CDH4: variants seen among roughly 807,000 people sequenced by gnomAD.
CDH4 encodes the protein cadherin-4.
A neutral mutation model predicts 86.0 loss-of-function variants in CDH4; 33 were observed. The observed-to-expected ratio is 0.38, with a 90% CI of 0.29 to 0.51. CDH4 has a LOEUF of 0.51. Among genes scored for constraint, CDH4 ranks in the 20% least tolerant of loss-of-function variants. The pLI is 0.86. For missense variants in CDH4, 1,114 were observed against 1,307.4 expected, an observed-to-expected ratio of 0.85 and a Z score of 2.28; for synonymous variants, 555 against 549.4, an observed-to-expected ratio of 1.01 and a Z score of -0.14.
intron 2 of CDH4, among the ~76,000 whole-genome samples, chr20:61,381,973 G>A (rs1224314925): frequency 6.6e-6 from 1 of 152,038 alleles, no homozygotes; most frequent in Non-Finnish European, 1.5e-5. Flanking sequence ...CTACTTGGGA[G>A]GCTGAGGCAG....
intron 2 of CDH4, among the ~76,000 whole-genome samples, chr20:61,274,628 T>C (rs1221151456): frequency 1.9e-5 from 2 of 103,774 alleles, no homozygotes; most frequent in African/African-American, 3.4e-5. Context: ...TTTGGAGGAG[T>C]ACGGTGTGCA....
chr20:61,643,534 A>T (rs1006727998), intron 2 of CDH4, among the ~76,000 whole-genome samples: 4 of 152,198 alleles, frequency 2.6e-5, no homozygotes, highest in Admixed American at 6.5e-5. Context: ...TAATGCCCTG[A>T]GTGTGTCAGG....
chr20:61,910,148 T>G (rs1004674502), intron 8 of CDH4, among the ~76,000 whole-genome samples: 1 of 151,978 alleles, frequency 6.6e-6, no homozygotes, highest in Admixed American at 6.6e-5. Context: ...GCTGACACGG[T>G]GTGCTCTGTT....
intron 2 of CDH4, among the ~76,000 whole-genome samples, chr20:61,607,361 G>A (rs1003992285): frequency 2.6e-5 from 4 of 152,124 alleles, no homozygotes; most frequent in Admixed American, 1.3e-4. Flanking sequence ...AATTCAGAAA[G>A]CCTTTTTATT....
chr20:61,514,308 C>T (rs1287904633), intron 2 of CDH4, among the ~76,000 whole-genome samples: 1 of 121,618 alleles, frequency 8.2e-6, no homozygotes, highest in Non-Finnish European at 1.6e-5. Flanking sequence ...CTCAGTCCGC[C>T]CCCCCCGCCC....
In CDH4 at chr20:61,714,021, T is replaced by TTTTTATTTTATTTTATTTTA. The variant is rs373689820; in HGVS notation, c.170-29518_170-29499dup. 5.7e-3 allele frequency among the ~76,000 whole-genome samples: 775 copies of TTTTTATTTTATTTTATTTTA among 135,990 alleles called. 24 individuals are homozygous for TTTTTATTTTATTTTATTTTA. Among genetic ancestry groups the TTTTTATTTTATTTTATTTTA allele is most frequent in the African/African-American group, 0.022 (739 of 33,790 alleles). 89.2% of individuals were successfully genotyped at this position (135,990 alleles called of 152,430 possible). ...CTGTCTTAGTCCATTGTCTATTCTT[T>TTTTTATTTTATTTTATTTTA]TTTTATTTTATTTTATTTTATTTTA... On this transcript the variant is annotated intron_variant, in intron 2 of 15. Transcript: ENST00000614565.
intron 2 of CDH4, among the ~76,000 whole-genome samples, chr20:61,670,105 A>T (rs1451217747): frequency 6.6e-6 from 1 of 152,228 alleles, no homozygotes; most frequent in East Asian, 1.9e-4. Context: ...ATTGCAGGCA[A>T]TAAAACCATA....
At chr20:61,382,624 T>C (rs2084909684) in intron 2 of CDH4, among the ~76,000 whole-genome samples, 1 of 152,200 alleles carries the variant, frequency 6.6e-6, no homozygotes, top group Admixed American at 6.5e-5. Flanking sequence ...GAAATGCAGG[T>C]GCGAGCAGGG....
chr20:61,409,236 C>T (rs575859979), intron 2 of CDH4, among the ~76,000 whole-genome samples: 9 of 152,292 alleles, frequency 5.9e-5, no homozygotes, highest in Non-Finnish European at 1.0e-4. Context: ...CACGTAGTGC[C>T]AGCATCAGAG....
At chr20:61,735,495 C>G (rs532295626) in intron 2 of CDH4, among the ~76,000 whole-genome samples, 1 of 152,256 alleles carries the variant, frequency 6.6e-6, no homozygotes, top group African/African-American at 2.4e-5. Flanking sequence ...CACAGCCCAG[C>G]CCAATGCAGA....
chr20:61,936,618 C>T lies in CDH4; in HGVS notation c.2545-119C>T, dbSNP rs577277245. On this transcript the variant is annotated intron_variant, in intron 15 of 15. Coordinates refer to ENST00000614565, the MANE Select transcript of CDH4 (RefSeq NM_001794.5). The stretch of plus-strand genomic sequence containing the variant: ...AATGCAGAGAGCCCTTATTGGACAC[C>T]TACTTTATGCAACGTCCTACCTCCC... 6.9e-5 allele frequency: 49 copies of T among 706,816 alleles called. No homozygotes were observed. The South Asian group carries it at 1.2e-3, about 17-fold the overall frequency. The allele number at this position is 706,816 out of a possible 1,614,324, so 43.8% of individuals were successfully genotyped here.
At chr20:61,765,296 G>C (rs1037152254) in intron 3 of CDH4, among the ~76,000 whole-genome samples, 3 of 152,152 alleles carry the variant, frequency 2.0e-5, no homozygotes, top group African/African-American at 7.2e-5. Flanking sequence ...CATTTACCAG[G>C]CATCTGGGGC....
At chr20:61,349,950 G>A (rs1331636512) in intron 2 of CDH4, among the ~76,000 whole-genome samples, 2 of 152,156 alleles carry the variant, frequency 1.3e-5, no homozygotes, top group Non-Finnish European at 2.9e-5. Context: ...CCCAGCGCCA[G>A]GAACCCAGGA....
chr20:61,790,067 AC>A (rs1979089013), intron 4 of CDH4, among the ~76,000 whole-genome samples: 2 of 151,894 alleles, frequency 1.3e-5, no homozygotes, highest in Admixed American at 6.6e-5. Context: ...CCAACCATAC[AC>A]CCATCCATCT....
chr20:61,929,730 G>T lies in CDH4; in HGVS notation c.2127G>T (p.Lys709Asn). The T allele has an allele frequency of 6.2e-7, 1 of 1,614,188 alleles. No individual in the cohort carries two copies. Among genetic ancestry groups the T allele is most frequent in the Non-Finnish European group, 8.5e-7 (1 of 1,180,022 alleles). Residue 709 changes from lysine (K) to asparagine (N), a missense_variant, in exon 13 of 16, where the codon AAG becomes AAT. Transcript: ENST00000614565. ...CCAACACGTCCATCATCAAAGTCAA[G>T]GTGTGCCCATGTGATGACAACGGGG... is the stretch of plus-strand genomic sequence containing the variant. ...PLSNTSIIKVKVCPCDDNGDC... is the reference protein window; with the variant it reads ...PLSNTSIIKVNVCPCDDNGDC...
chr20:61,579,323 G>C (rs559443996), intron 2 of CDH4, among the ~76,000 whole-genome samples: 1 of 130,454 alleles, frequency 7.7e-6, no homozygotes, highest in South Asian at 2.4e-4. Flanking sequence ...GTCTCTCTCT[G>C]TTGCCCAGTC....
At chr20:61,725,771 G>A (rs748164771) in intron 2 of CDH4, among the ~76,000 whole-genome samples, 9 of 151,070 alleles carry the variant, frequency 6.0e-5, no homozygotes, top group African/African-American at 1.9e-4. Flanking sequence ...AGGGGAAGGC[G>A]AGGAAGGGGA....
chr20:61,899,153 A>T (rs1332045429), intron 8 of CDH4, among the ~76,000 whole-genome samples: 1 of 152,032 alleles, frequency 6.6e-6, no homozygotes, highest in Non-Finnish European at 1.5e-5. Flanking sequence ...TTTTAAAAAA[A>T]AATTAGCCGG....
chr20:61,376,807 G>A (rs1052404412), intron 2 of CDH4, among the ~76,000 whole-genome samples: 2 of 152,202 alleles, frequency 1.3e-5, no homozygotes, highest in African/African-American at 4.8e-5. Flanking sequence ...AGAGACACAG[G>A]TGAATGGCCG....
Sources: gnomAD v4.1 joint callset for allele counts (sites outside exome capture counted in the v4.1 genomes callset) on GRCh38, gnomAD v4.1.1 for gene constraint, MANE v1.5 for transcripts, NCBI Gene and HGNC (gene_info 2026-07-23, HGNC 2026-07-21) for gene names.